The following NUP155 variants were observed in gnomAD, a reference collection of about 807,000 sequenced individuals.
The protein encoded by NUP155 is nucleoporin 155.
A neutral mutation model predicts 180.4 loss-of-function variants in NUP155; 71 were observed. The ratio of observed to expected loss-of-function variants is 0.39; its 90% CI spans 0.33 to 0.48. The LOEUF is 0.48. NUP155 is among the 20% of genes least tolerant of loss of function. NUP155 has a pLI of 0.91. For synonymous variants in NUP155, 582 were observed against 559.5 expected (o/e 1.04, Z -0.57); for missense variants, 1,553 against 1,648.9 (o/e 0.94, Z 1.01).
chr5:37,363,718 A>C (rs888659012), intron 3 of NUP155, among the ~76,000 whole-genome samples, 170 bp downstream of exon 3: 1 of 152,180 alleles, frequency 6.6e-6, no homozygotes, highest in Admixed American at 6.6e-5. Flanking sequence ...CAGGACTACT[A>C]AGACAGAATG....
chr5:37,366,080 A>AT (rs897033071), intron 1 of NUP155, among the ~76,000 whole-genome samples: 1 of 151,972 alleles, frequency 6.6e-6, no homozygotes, highest in African/African-American at 2.4e-5. Flanking sequence ...TATTGGGGGG[A>AT]TAAAAACAAA....
rs529083651 is a variant in NUP155, at chr5:37,348,283, GAC to G, written c.995+220_995+221del. On this transcript the variant is annotated intron_variant, in intron 9 of 34. Coordinates refer to ENST00000231498, the MANE Select transcript of NUP155 (RefSeq NM_153485.3). ...TGTGTCACTGCACTCCAGCCTGGGTGACAGAGTGAGACCCTGTCTCAAAAAAA... is the reference window on the plus strand; with the variant it reads ...TGTGTCACTGCACTCCAGCCTGGGTGAGAGTGAGACCCTGTCTCAAAAAAA... Among the ~76,000 whole-genome samples the G allele has an allele frequency of 1.0e-3, 154 of 152,016 alleles. 1 individual carries two copies. Among genetic ancestry groups the G allele is most frequent in the African/African-American group, 3.6e-3 (148 of 41,462 alleles).
At chr5:37,345,858 T>C (rs1169095476) in intron 9 of NUP155, among the ~76,000 whole-genome samples, 1 of 141,640 alleles carries the variant, frequency 7.1e-6, no homozygotes, top group African/African-American at 2.7e-5. Context: ...GAGCTGAGAC[T>C]GCAACACTGC....
At chr5:37,296,496 G>C (rs929786785) in intron 32 of NUP155, among the ~76,000 whole-genome samples, 5 of 151,966 alleles carry the variant, frequency 3.3e-5, no homozygotes, top group East Asian at 1.9e-4. Context: ...CAGCATGCTT[G>C]TTAAGAGTCA....
chr5:37,369,132 G>T (rs1747794549), intron 1 of NUP155, among the ~76,000 whole-genome samples: 1 of 152,032 alleles, frequency 6.6e-6, no homozygotes, highest in Admixed American at 6.6e-5. Context: ...GGCGCCTGTA[G>T]TCCCAGCTAC....
chr5:37,352,013 G>A (rs1199706147), intron 5 of NUP155, among the ~76,000 whole-genome samples: 1 of 151,722 alleles, frequency 6.6e-6, no homozygotes, highest in African/African-American at 2.4e-5. Context: ...ACCTGAGGTC[G>A]GCAGTTCAAG....
At position 37,370,919 on chromosome 5, in the gene NUP155, T is replaced by C. The variant is rs1186479466; in HGVS notation, c.59A>G (p.Gln20Arg). The change falls in exon 1 of 35, where the codon CAG becomes CGG. Residue 20 changes from glutamine to arginine, a missense_variant. Physicochemically the swap from Gln to Arg is conservative, Grantham distance 43. Transcript: ENST00000231498. ...MPASTSAAAL[Q>R]EALENAGRLI... ...CCGTCCAGCATTTTCCAGAGCTTCC[T>C]GCAGGGCTGCGGCAGATGTAGAGGC... 2 of 1,614,054 alleles carry C rather than the reference T, an allele frequency of 1.2e-6. No homozygotes were observed. Among genetic ancestry groups the C allele is most frequent in the African/African-American group, 1.3e-5 (1 of 74,930 alleles).
At position 37,370,806 on chromosome 5, in the gene NUP155, G is replaced by A. The variant is rs541328951; in HGVS notation, c.157+15C>T. ...GAGTCCTTTAGGTTGAGAAAGCAGG[G>A]TCACTATCACTCACTTGGGGCAGAC... On this transcript the variant is annotated intron_variant, in intron 1 of 34. Coordinates refer to ENST00000231498, the MANE Select transcript of NUP155 (RefSeq NM_153485.3). 137 of 1,614,130 alleles carry A rather than the reference G, an allele frequency of 8.5e-5. 2 individuals are homozygous for A. The South Asian group carries it at 1.1e-3, about 13-fold the overall frequency.
intron 31 of NUP155, 42 bp from the exon 32 acceptor site, chr5:37,299,020 T>C (rs1416727614): frequency 1.8e-6 from 2 of 1,102,514 alleles, no homozygotes; most frequent in Non-Finnish European, 2.8e-6. Flanking sequence ...AAATTACTTT[T>C]AATGTGAAAT....
At chr5:37,318,210 C>T in intron 20 of NUP155, 125 bp from the exon 21 acceptor site, 1 of 706,884 alleles carries the variant, frequency 1.4e-6, no homozygotes, top group Non-Finnish European at 2.5e-6. Flanking sequence ...GGGCAACCAA[C>T]ACCAGAAGGG....
chr5:37,338,555 G>A (rs1353169753), intron 11 of NUP155, among the ~76,000 whole-genome samples: 2 of 151,528 alleles, frequency 1.3e-5, no homozygotes. Flanking sequence ...TACGGCACCT[G>A]CCACCACGCC....
At chr5:37,346,628 G>A (rs951529743) in intron 9 of NUP155, among the ~76,000 whole-genome samples, 6 of 151,310 alleles carry the variant, frequency 4.0e-5, no homozygotes, top group African/African-American at 7.3e-5. Context: ...GCCAAGTCGC[G>A]CCATTGCACT....
intron 20 of NUP155, among the ~76,000 whole-genome samples, chr5:37,322,081 C>T (rs1211313228): frequency 1.3e-5 from 2 of 151,934 alleles, no homozygotes; most frequent in African/African-American, 2.4e-5. Context: ...CTTGAAATCC[C>T]GACCTCAGGT....
intron 22 of NUP155, among the ~76,000 whole-genome samples, chr5:37,311,542 T>C (rs1298453806): frequency 6.6e-6 from 1 of 152,140 alleles, no homozygotes; most frequent in Non-Finnish European, 1.5e-5. Context: ...AGCCACACTA[T>C]TCATTGGACA....
intron 3 of NUP155, among the ~76,000 whole-genome samples, chr5:37,361,892 G>A (rs944477106): frequency 6.6e-6 from 1 of 152,062 alleles, no homozygotes; most frequent in Non-Finnish European, 1.5e-5. Flanking sequence ...TCTTTGAAAG[G>A]TTATTAGGTC....
rs217784 is a variant in NUP155 at position 37,341,401 on chromosome 5, G to A, written c.1094-159C>T. ...TTTGGAGATGGAGTCTAGCTCTGTC[G>A]CCCAGGCTGGAGTGCAGTGGCGCCA... On this transcript the variant is annotated intron_variant, in intron 10 of 34. Transcript: ENST00000231498. 0.03 allele frequency among the ~76,000 whole-genome samples: 4,631 copies of A among 152,150 alleles called. 231 individuals carry two copies. Among genetic ancestry groups the A allele is most frequent in the African/African-American group, 0.099 (4,115 of 41,482 alleles).
At chr5:37,365,398 A>T (rs1747493339) in intron 1 of NUP155, among the ~76,000 whole-genome samples, 1 of 151,580 alleles carries the variant, frequency 6.6e-6, no homozygotes, top group African/African-American at 2.4e-5. Flanking sequence ...GTATCAAAAC[A>T]TCTCATGCAC....
At chr5:37,358,038 A>T in intron 4 of NUP155, 43 bp downstream of exon 4, 1 of 1,325,878 alleles carries the variant, frequency 7.5e-7, no homozygotes, top group Non-Finnish European at 1.1e-6. Context: ...TTTGGAGTTT[A>T]CATATACAAA....
At chr5:37,360,414 G>C (rs796810452) in intron 3 of NUP155, among the ~76,000 whole-genome samples, 7 of 152,162 alleles carry the variant, frequency 4.6e-5, no homozygotes, top group African/African-American at 1.7e-4. Flanking sequence ...GAACCAGGGA[G>C]GAGAAGGTTG....
Sources: allele counts gnomAD v4.1 joint callset (sites outside exome capture counted in the v4.1 genomes callset), GRCh38; gene constraint gnomAD v4.1.1; transcripts MANE v1.5; gene names NCBI Gene and HGNC (gene_info 2026-07-23, HGNC 2026-07-21).